The following SORCS2 variants were observed in gnomAD, a reference collection of about 807,000 sequenced individuals.
SORCS2 encodes sortilin related VPS10 domain containing receptor 2.
In SORCS2, 100 loss-of-function variants were observed where a neutral mutation model predicts 141.6. The observed-to-expected ratio is 0.71, with a 90% confidence interval of 0.60 to 0.83. The LOEUF is 0.83. Ranked by LOEUF, SORCS2 falls within the 40% of genes least tolerant of loss-of-function variation. The pLI is 0.00. For missense variants in SORCS2, 1,646 were observed against 1,560.2 expected, an observed-to-expected ratio of 1.05 and a Z score of -0.93; for synonymous variants, 789 against 676.9, an observed-to-expected ratio of 1.17 and a Z score of -2.57.
At chr4:7,637,531 C>T (rs190399690) in intron 3 of SORCS2, among the ~76,000 whole-genome samples, 11 of 152,356 alleles carry the variant, frequency 7.2e-5, no homozygotes, top group Admixed American at 2.6e-4. Flanking sequence ...CCTGAGTTTA[C>T]GGTGGAGCCT....
At chr4:7,207,927 C>T (rs369634438) in intron 1 of SORCS2, among the ~76,000 whole-genome samples, 33 of 152,224 alleles carry the variant, frequency 2.2e-4, no homozygotes, top group South Asian at 1.9e-3. Flanking sequence ...TGCCTGTGGC[C>T]GAGCAGAGGG....
rs537856924 is a variant in SORCS2 at position 7,705,334 on chromosome 4, G to C, written c.1868+1050G>C. On this transcript the variant is annotated intron_variant, in intron 14 of 26. Transcript: ENST00000507866. ...CTGGATTTCAGCCTTCTGGCCTCCAGAGCGCTGAGAGAGCATGTGAGCAAT... is the reference window on the plus strand; with the variant it reads ...CTGGATTTCAGCCTTCTGGCCTCCACAGCGCTGAGAGAGCATGTGAGCAAT... Among the ~76,000 whole-genome samples the C allele has an allele frequency of 2.6e-5, 4 of 152,346 alleles. No homozygotes were observed. In the East Asian group the frequency reaches 7.7e-4, roughly 29 times the overall value.
In SORCS2 at chr4:7,742,496, G is replaced by C. The variant is rs1712750988; in HGVS notation, c.*2232G>C. The C allele has an allele frequency of 6.6e-6, 1 of 152,234 alleles. No homozygotes were observed. The highest frequency in any genetic ancestry group is 2.1e-4 in the South Asian group (1 of 4,830). 9.4% of individuals were successfully genotyped at this position (152,234 alleles called of 1,614,324 possible). A position where few individuals can be genotyped will look rare whatever the true frequency, so the allele number is the denominator to read the frequency against. On this transcript the variant is annotated 3_prime_UTR_variant, in exon 27 of 27. Coordinates refer to ENST00000507866, the MANE Select transcript of SORCS2 (RefSeq NM_020777.3). The stretch of plus-strand genomic sequence containing the variant: ...GTTGGGTTTTTCCCCTTAGTTATCT[G>C]TGGGTTTCCTGTATTTTATGTTAAT...
chr4:7,390,301 C>G (rs1461990838), intron 1 of SORCS2, among the ~76,000 whole-genome samples: 1 of 152,170 alleles, frequency 6.6e-6, no homozygotes, highest in Non-Finnish European at 1.5e-5. Flanking sequence ...GATTCTTGAG[C>G]CTCCGAAAGG....
chr4:7,312,766 G>A (rs1260184508), intron 1 of SORCS2, among the ~76,000 whole-genome samples: 2 of 152,168 alleles, frequency 1.3e-5, no homozygotes, highest in Non-Finnish European at 2.9e-5. Context: ...TTACAGAGGA[G>A]CTCTGGCTTC....
At chr4:7,316,491 T>C (rs900418130) in intron 1 of SORCS2, among the ~76,000 whole-genome samples, 2 of 152,218 alleles carry the variant, frequency 1.3e-5, no homozygotes, top group African/African-American at 4.8e-5. Context: ...GGACTCAGCA[T>C]GGTACCCAGT....
intron 4 of SORCS2, among the ~76,000 whole-genome samples, chr4:7,639,486 A>G (rs1577879728): frequency 7.2e-6 from 1 of 138,486 alleles, no homozygotes; most frequent in Admixed American, 7.5e-5. Context: ...ATGGGTGTGA[A>G]TGTGTGTGGG....
intron 1 of SORCS2, among the ~76,000 whole-genome samples, chr4:7,307,389 C>T (rs1717901477): frequency 1.3e-5 from 2 of 152,258 alleles, no homozygotes; most frequent in South Asian, 4.1e-4. Flanking sequence ...GTACAGAGTC[C>T]TGTCCCTTTT....
At position 7,340,103 on chromosome 4, in the gene SORCS2, A is replaced by G. The variant is rs1720276819; in HGVS notation, c.481-56185A>G. Among the ~76,000 whole-genome samples the G allele has an allele frequency of 3.3e-5, 5 of 152,366 alleles. 1 individual carries two copies. In the South Asian group the frequency reaches 8.3e-4, roughly 25 times the overall value. On this transcript the variant is annotated intron_variant, in intron 1 of 26. Transcript: ENST00000507866. Reference sequence around the variant, plus strand: ...CCAGGCCGCATGTTCAGGACCCAGAAGGGCTCACAAGATGAGTGTCCTTAC... The same window carrying G: ...CCAGGCCGCATGTTCAGGACCCAGAGGGGCTCACAAGATGAGTGTCCTTAC...
intron 1 of SORCS2, among the ~76,000 whole-genome samples, chr4:7,359,994 G>A: frequency 6.6e-6 from 1 of 152,234 alleles, no homozygotes; most frequent in East Asian, 1.9e-4. Flanking sequence ...CACAGTCGCT[G>A]TCATTCTGAG....
At chr4:7,503,776 G>A (rs1244570753) in intron 2 of SORCS2, among the ~76,000 whole-genome samples, 1 of 152,186 alleles carries the variant, frequency 6.6e-6, no homozygotes, top group Non-Finnish European at 1.5e-5. Flanking sequence ...AACGTGTATG[G>A]AACAAAGGAG....
intron 1 of SORCS2, among the ~76,000 whole-genome samples, chr4:7,270,116 A>T (rs1715015645): frequency 6.6e-6 from 1 of 152,222 alleles, no homozygotes; most frequent in Admixed American, 6.5e-5. Flanking sequence ...CCTGGCCTCA[A>T]GTGATCCTCC....
Position 7,329,459 on chromosome 4 carries a change from C to T in SORCS2, c.481-66829C>T, listed in dbSNP as rs138083087. ...TGTCTGCGCTGATAGTCATGTGTGC[C>T]GCTGAGGGGGTCCCCTGAGATGCTG... On this transcript the variant is annotated intron_variant, in intron 1 of 26. Coordinates refer to ENST00000507866, the MANE Select transcript of SORCS2 (RefSeq NM_020777.3). 5.8e-3 allele frequency among the ~76,000 whole-genome samples: 879 copies of T among 152,230 alleles called. 15 individuals are homozygous for T. Among genetic ancestry groups the T allele is most frequent in the African/African-American group, 0.02 (828 of 41,534 alleles).
chr4:7,355,471 A>G (rs1055073644), intron 1 of SORCS2, among the ~76,000 whole-genome samples: 2 of 152,196 alleles, frequency 1.3e-5, no homozygotes, highest in African/African-American at 4.8e-5. Context: ...TAACGCGGTC[A>G]GTCAGAGTGG....
At chr4:7,680,368 C>G (rs1306212800) in intron 9 of SORCS2, among the ~76,000 whole-genome samples, 2 of 152,224 alleles carry the variant, frequency 1.3e-5, no homozygotes, top group East Asian at 3.8e-4. Flanking sequence ...GGGGAGAACT[C>G]GAGACCCCTG....
chr4:7,641,093 G>A (rs1051618063), intron 4 of SORCS2, among the ~76,000 whole-genome samples: 1 of 152,180 alleles, frequency 6.6e-6, no homozygotes, highest in Non-Finnish European at 1.5e-5. Context: ...TGCCACCGCA[G>A]GCCAGCTTGG....
chr4:7,481,393 G>C (rs35108172), intron 2 of SORCS2, among the ~76,000 whole-genome samples: 2 of 152,188 alleles, frequency 1.3e-5, no homozygotes, highest in Non-Finnish European at 2.9e-5. Flanking sequence ...AAAGAGCTGG[G>C]TGGTGGGATT....
chr4:7,610,002 T>C (rs1386454549), intron 3 of SORCS2, among the ~76,000 whole-genome samples: 1 of 152,178 alleles, frequency 6.6e-6, no homozygotes, highest in Non-Finnish European at 1.5e-5. Flanking sequence ...ACCGTAATCA[T>C]CCACAGGCCA....
intron 3 of SORCS2, among the ~76,000 whole-genome samples, chr4:7,598,697 C>T (rs1717447829): frequency 6.6e-6 from 1 of 152,190 alleles, no homozygotes; most frequent in African/African-American, 2.4e-5. Context: ...CCTAAGCTTT[C>T]CCCATGAAAA....
Sources: allele counts gnomAD v4.1 joint callset (sites outside exome capture counted in the v4.1 genomes callset), GRCh38; gene constraint gnomAD v4.1.1; transcripts MANE v1.5; gene names NCBI Gene and HGNC (gene_info 2026-07-23, HGNC 2026-07-21).